The following COL21A1 variants were observed in gnomAD, a reference collection of about 807,000 sequenced individuals.
COL21A1 encodes the protein collagen type XXI alpha 1 chain, also known as collagen alpha-1(XXI) chain.
COL21A1 carries 149 observed loss-of-function variants against 137.9 expected under a neutral mutation model. The observed-to-expected ratio is 1.08, with a 90% CI of 0.95 to 1.24. COL21A1 has a LOEUF of 1.24. Ranked by LOEUF, COL21A1 falls within the 50% of genes most tolerant of loss-of-function variation. The pLI, the probability that COL21A1 is intolerant of heterozygous loss-of-function variation, is 0.00. For missense variants in COL21A1, 1,167 were observed against 1,158.4 expected, an observed-to-expected ratio of 1.01 and a Z score of -0.11; for synonymous variants, 456 against 391.5, an observed-to-expected ratio of 1.16 and a Z score of -1.95.
intron 1 of COL21A1, among the ~76,000 whole-genome samples, chr6:56,352,936 G>A (rs1765744391): frequency 6.6e-6 from 1 of 152,148 alleles, no homozygotes; most frequent in Admixed American, 6.5e-5. Context: ...TGCTACTCGG[G>A]AGGCTGAGGC....
At chr6:56,248,078 G>A (rs1354291629), upstream of COL21A1, among the ~76,000 whole-genome samples, 1 of 152,238 alleles carries the variant, frequency 6.6e-6, no homozygotes, top group African/African-American at 2.4e-5. Flanking sequence ...TAAGGGTTTA[G>A]CAATTACAAA....
At chr6:56,196,487 A>G (rs914931729) in intron 1 of COL21A1, among the ~76,000 whole-genome samples, 8 of 152,120 alleles carry the variant, frequency 5.3e-5, no homozygotes, top group African/African-American at 1.7e-4. Flanking sequence ...CTACCAAGAA[A>G]GTATTAAAAG....
intron 1 of COL21A1, among the ~76,000 whole-genome samples, chr6:56,184,431 A>G (rs1308410794): frequency 1.1e-5 from 1 of 90,326 alleles, no homozygotes; most frequent in Non-Finnish European, 2.4e-5. Flanking sequence ...AATATATGAA[A>G]CAAAAAATGA....
Position 56,256,698 on chromosome 6 carries a change from T to TA in COL21A1, c.-38-74043dup, listed in dbSNP as rs397748193. Among the ~76,000 whole-genome samples the TA allele has an allele frequency of 7.6e-3, 1,156 of 151,886 alleles. 19 individuals carry two copies. Among genetic ancestry groups the TA allele is most frequent in the African/African-American group, 0.025 (1,031 of 41,376 alleles). ...CCTTCTCTGGCCAAATAATATTTTT[T>TA]AAAAATTTTAAAAACCCCTTTTTTA... On this transcript the variant is annotated intron_variant, in intron 1 of 28. Coordinates refer to the COL21A1 transcript ENST00000370819.
intron 20 of COL21A1, among the ~76,000 whole-genome samples, chr6:56,072,887 A>ATT (rs1766875922): frequency 6.6e-6 from 1 of 150,984 alleles, no homozygotes; most frequent in Non-Finnish European, 1.5e-5. Context: ...TAACAAAATA[A>ATT]TTGTACAAGC....
rs957843753 is a variant in COL21A1, at chr6:56,094,178, A to T, written c.1812+7294T>A. On this transcript the variant is annotated intron_variant, in intron 17 of 29. Coordinates refer to ENST00000244728, the MANE Select transcript of COL21A1 (RefSeq NM_030820.4). ...AAAAAAATCATGCTCTATCTTCAGC[A>T]CTTTGCTTGGCAATCTCGTCAGCTA... 3.3e-5 allele frequency among the ~76,000 whole-genome samples: 5 copies of T among 152,278 alleles called. No individual in the cohort carries two copies. In the South Asian group the frequency reaches 1.0e-3, roughly 32 times the overall value.
At chr6:56,141,179 G>C (rs558896537) in intron 12 of COL21A1, among the ~76,000 whole-genome samples, 8 of 152,208 alleles carry the variant, frequency 5.3e-5, no homozygotes, top group Admixed American at 4.6e-4. Context: ...CCAGGACATG[G>C]CCTAAACCTA....
At chr6:56,338,638 G>A (rs958780718) in intron 1 of COL21A1, among the ~76,000 whole-genome samples, 9 of 152,154 alleles carry the variant, frequency 5.9e-5, no homozygotes, top group South Asian at 4.1e-4. Flanking sequence ...AGATTCAGGC[G>A]GAAGACCAGC....
chr6:56,253,358 C>A (rs976362551), intron 1 of COL21A1, among the ~76,000 whole-genome samples: 1 of 152,106 alleles, frequency 6.6e-6, no homozygotes, highest in Non-Finnish European at 1.5e-5. Flanking sequence ...ACAAATGAAC[C>A]TTTGACCCAA....
At chr6:56,181,336 G>A (rs935427977) in intron 2 of COL21A1, among the ~76,000 whole-genome samples, 11 of 152,080 alleles carry the variant, frequency 7.2e-5, no homozygotes, top group African/African-American at 2.4e-4. Flanking sequence ...TGTTATTTTT[G>A]GAAGCTTGGA....
chr6:56,281,097 AC>A (rs1217283896), intron 1 of COL21A1, among the ~76,000 whole-genome samples: 3 of 152,216 alleles, frequency 2.0e-5, no homozygotes, highest in African/African-American at 7.2e-5. Context: ...TATGATCCTC[AC>A]AGCTCAACAT....
intron 12 of COL21A1, among the ~76,000 whole-genome samples, chr6:56,139,451 C>T (rs116170756): frequency 0.019 from 2,919 of 151,858 alleles, 46 homozygotes; most frequent in Non-Finnish European, 0.029. Flanking sequence ...CTGCTTTAAG[C>T]CCCCAAATCT....
chr6:56,330,437 T>G (rs1765191517), intron 1 of COL21A1, among the ~76,000 whole-genome samples: 1 of 152,136 alleles, frequency 6.6e-6, no homozygotes, highest in Non-Finnish European at 1.5e-5. Flanking sequence ...TTTATTTTTC[T>G]GCTAGCAAAA....
intron 16 of COL21A1, among the ~76,000 whole-genome samples, chr6:56,122,386 C>T (rs1418731418): frequency 6.6e-6 from 1 of 151,722 alleles, no homozygotes; most frequent in East Asian, 1.9e-4. Context: ...CATCTCGGCT[C>T]ACTGCAAGCT....
chr6:56,209,002 T>C (rs9464361), intron 1 of COL21A1, among the ~76,000 whole-genome samples: 2,064 of 152,288 alleles, frequency 0.014, 44 homozygotes, highest in African/African-American at 0.047. Context: ...ATCCATTCCT[T>C]ACATCTTATA....
At position 56,308,728 on chromosome 6, in the gene COL21A1, T is replaced by TG. The variant is rs532915482; in HGVS notation, c.-39+85242_-39+85243insC. On this transcript the variant is annotated intron_variant, in intron 1 of 28. Coordinates refer to the COL21A1 transcript ENST00000370819. ...TGTAGAGGATAGATCTCGTTAAATG[T>TG]TCTTACTACAAAAAAACAAATAAGA... Among the ~76,000 whole-genome samples, 111 of 50,056 alleles carry TG rather than the reference T, an allele frequency of 2.2e-3. No individual in the cohort carries two copies. In the South Asian group the frequency reaches 0.064, roughly 29 times the overall value. The allele number at this position is 50,056 out of a possible 152,430, so 32.8% of individuals were successfully genotyped here.
chr6:56,081,026 G>T (rs752552425), intron 17 of COL21A1, among the ~76,000 whole-genome samples: 1 of 151,712 alleles, frequency 6.6e-6, no homozygotes, highest in Non-Finnish European at 1.5e-5. Flanking sequence ...AGTTTTCTTT[G>T]TCGGGAAAAT....
chr6:56,261,432 G>T (rs374010292), intron 1 of COL21A1, among the ~76,000 whole-genome samples: 1 of 152,122 alleles, frequency 6.6e-6, no homozygotes, highest in South Asian at 2.1e-4. Flanking sequence ...GGTCTTTGGG[G>T]GGATATTAGG....
At chr6:56,100,660 T>C (rs1177403225) in intron 17 of COL21A1, among the ~76,000 whole-genome samples, 2 of 152,154 alleles carry the variant, frequency 1.3e-5, no homozygotes, top group African/African-American at 4.8e-5. Context: ...GGTAATAGCA[T>C]TATATAGAAC....
Sources: allele counts gnomAD v4.1 joint callset (sites outside exome capture counted in the v4.1 genomes callset), GRCh38; gene constraint gnomAD v4.1.1; transcripts MANE v1.5; gene names NCBI Gene and HGNC (gene_info 2026-07-23, HGNC 2026-07-21).